PTTG1: variants seen among roughly 807,000 people sequenced by gnomAD.
The protein encoded by PTTG1 is PTTG1 regulator of sister chromatid separation, securin.
In PTTG1, 8 loss-of-function variants were observed where a neutral mutation model predicts 20.0. The ratio of observed to expected loss-of-function variants is 0.40; its 90% CI spans 0.23 to 0.72. PTTG1 has a LOEUF of 0.72. Ranked by LOEUF, PTTG1 falls within the 30% of genes least tolerant of loss-of-function variation. The pLI, the probability that PTTG1 is intolerant of heterozygous loss-of-function variation, is 0.38. For synonymous variants in PTTG1, 79 were observed against 87.2 expected (o/e 0.91, Z 0.52); for missense variants, 197 against 236.0 (o/e 0.83, Z 1.08).
intron 3 of PTTG1, among the ~76,000 whole-genome samples, chr5:160,423,881 A>G (rs1765762520): frequency 6.6e-6 from 1 of 150,678 alleles, no homozygotes; most frequent in South Asian, 2.1e-4. Flanking sequence ...ACACTTGTGG[A>G]AAAAATCACA....
Position 160,427,797 on chromosome 5 carries a change from GGA to G in PTTG1, c.461_462del (p.Glu154AlafsTer2). On this transcript the variant is annotated frameshift_variant, in exon 5 of 6. Coordinates refer to ENST00000352433, the MANE Select transcript of PTTG1 (RefSeq NM_004219.4). LOFTEE classifies it high-confidence loss of function. ...GAGTGCCTCTCATGATCCTTGACGAGGAGAGAGAGCTTGAAAAGCTGTTTCAG... is the reference window on the plus strand; with the variant it reads ...GAGTGCCTCTCATGATCCTTGACGAGGAGAGAGCTTGAAAAGCTGTTTCAG... ...SGVPLMILDE[E>X]RELEKLFQLG... 1.2e-6 allele frequency: 2 copies of G among 1,614,156 alleles called. No individual in the cohort carries two copies. The highest frequency in any genetic ancestry group is 1.3e-5 in the African/African-American group (1 of 75,028).
intron 4 of PTTG1, 103 bp from the exon 5 acceptor site, chr5:160,427,612 G>A (rs776550676): frequency 1.5e-5 from 19 of 1,295,242 alleles, no homozygotes; most frequent in Non-Finnish European, 1.9e-5. Flanking sequence ...CTTGAAAATA[G>A]TTTTGACCTC....
At position 160,426,957 on chromosome 5, in the gene PTTG1, G is replaced by A. The variant is rs192856000; in HGVS notation, c.371-758G>A. Among the ~76,000 whole-genome samples, 8 of 152,262 alleles carry A rather than the reference G, an allele frequency of 5.3e-5. No homozygotes were observed. The East Asian group carries it at 1.4e-3, about 26-fold the overall frequency. On this transcript the variant is annotated intron_variant, in intron 4 of 5. Transcript: ENST00000352433. Reference sequence around the variant, plus strand: ...CTTGGGAGACTGAGGCAGGAGAATCGCTTGAACCCAGGAGGCAGAGGTTGC... The same window carrying A: ...CTTGGGAGACTGAGGCAGGAGAATCACTTGAACCCAGGAGGCAGAGGTTGC...
chr5:160,422,579 A>G (rs1895320), intron 2 of PTTG1, 130 bp from the exon 3 acceptor site: 162,762 of 1,115,174 alleles, frequency 0.15, 12,524 homozygotes, highest in South Asian at 0.2. Context: ...TATTAGGCCT[A>G]TCATAGCCAT....
chr5:160,422,954 C>G (rs1385318100), intron 3 of PTTG1, 61 bp downstream of exon 3: 10 of 1,532,050 alleles, frequency 6.5e-6, no homozygotes, highest in Non-Finnish European at 2.7e-6. Context: ...CTTAAAATGA[C>G]TATTGGCATC....
rs371220976 is a variant in PTTG1 at position 160,422,371 on chromosome 5, C to T, written c.59C>T (p.Ala20Val). The change falls in exon 2 of 6, where the codon GCT becomes GTT. Residue 20 changes from alanine to valine, a missense_variant. Physicochemically the swap from Ala to Val is moderately conservative, Grantham distance 64 (BLOSUM62 0). Transcript: ENST00000352433. Reference protein sequence around the residue: ...ENGEPGTRVVAKDGLKLGSGP... With the variant: ...ENGEPGTRVVVKDGLKLGSGP... ...GGAGAACCAGGCACCCGTGTGGTTG[C>T]TAAGGATGGGCTGAAGCTGGGGTCT... 9.4e-5 allele frequency: 151 copies of T among 1,613,826 alleles called. No individual in the cohort carries two copies. Among genetic ancestry groups the T allele is most frequent in the Non-Finnish European group, 1.3e-4 (148 of 1,179,984 alleles).
At chr5:160,427,077 ATTT>A (rs1381205543) in intron 4 of PTTG1, among the ~76,000 whole-genome samples, 1 of 152,170 alleles carries the variant, frequency 6.6e-6, no homozygotes, top group Non-Finnish European at 1.5e-5. Flanking sequence ...TTTTGACAAA[ATTT>A]TAACGTTTTA....
rs750208202 is a variant in PTTG1 at position 160,422,322 on chromosome 5, C to G, written c.10C>G (p.Leu4Val). 2.5e-6 allele frequency: 4 copies of G among 1,613,760 alleles called. No individual in the cohort carries two copies. The highest frequency in any genetic ancestry group is 3.3e-5 in the Admixed American group (2 of 60,018). MAT[L>V]IYVDKENGEP... ...CTTAGAATAATCCAGAATGGCTACTCTGATCTATGTTGATAAGGAAAATGG... is the reference window on the plus strand; with the variant it reads ...CTTAGAATAATCCAGAATGGCTACTGTGATCTATGTTGATAAGGAAAATGG... Residue 4 changes from leucine to valine, a missense_variant, in exon 2 of 6, where the codon CTG (leucine) becomes GTG (valine). Leu to Val is a conservative substitution (Grantham distance 32, BLOSUM62 1). Transcript: ENST00000352433.
rs188532792 is a variant in PTTG1, at chr5:160,426,806, G to A, written c.371-909G>A. Reference sequence around the variant, plus strand: ...CGCCTGTAATCCCAGCACTTTGGGAGGCAAGGCGGGCGGATCACCTGAGGT... The same window carrying A: ...CGCCTGTAATCCCAGCACTTTGGGAAGCAAGGCGGGCGGATCACCTGAGGT... On this transcript the variant is annotated intron_variant, in intron 4 of 5. Transcript: ENST00000352433. Among the ~76,000 whole-genome samples the A allele has an allele frequency of 5.9e-5, 9 of 152,344 alleles. No individual in the cohort carries two copies. The East Asian group carries it at 1.5e-3, about 26-fold the overall frequency.
intron 4 of PTTG1, among the ~76,000 whole-genome samples, chr5:160,427,424 A>G (rs1312919256): frequency 6.6e-6 from 1 of 151,836 alleles, no homozygotes; most frequent in Non-Finnish European, 1.5e-5. Flanking sequence ...GTGAAGTGAC[A>G]GTAAGTGAAA....
intron 3 of PTTG1, 26 bp downstream of exon 3, chr5:160,422,919 T>C: frequency 6.2e-7 from 1 of 1,609,100 alleles, no homozygotes. Context: ...AAAGACACTG[T>C]TTAAACACTT....
chr5:160,426,876 G>A (rs1407084341), intron 4 of PTTG1, among the ~76,000 whole-genome samples: 1 of 152,006 alleles, frequency 6.6e-6, no homozygotes, highest in African/African-American at 2.4e-5. Flanking sequence ...AACCCCGTCT[G>A]TACTAAAAAT....
chr5:160,421,912 C>T (rs1012209713), intron 1 of PTTG1, 21 bp downstream of exon 1: 2 of 183,920 alleles, frequency 1.1e-5, no homozygotes, highest in Non-Finnish European at 2.3e-5. Flanking sequence ...GGGAGGGTCG[C>T]GGGTGGTTAG....
chr5:160,428,338 A>T (rs1765847475), intron 5 of PTTG1, among the ~76,000 whole-genome samples: 1 of 152,230 alleles, frequency 6.6e-6, no homozygotes, highest in Non-Finnish European at 1.5e-5. Flanking sequence ...AATTTGTCCT[A>T]ATAAGTTACA....
At chr5:160,426,388 C>T (rs1000033782) in intron 4 of PTTG1, among the ~76,000 whole-genome samples, 1 of 152,170 alleles carries the variant, frequency 6.6e-6, no homozygotes, top group African/African-American at 2.4e-5. Flanking sequence ...TGGCTTCACA[C>T]AGATACGTTT....
chr5:160,423,479 A>G (rs1272233177), intron 3 of PTTG1, among the ~76,000 whole-genome samples: 1 of 152,240 alleles, frequency 6.6e-6, no homozygotes, highest in Non-Finnish European at 1.5e-5. Context: ...TGTTTTGTTT[A>G]ATTTGCATTA....
intron 5 of PTTG1, 140 bp from the exon 6 acceptor site, chr5:160,428,462 A>C: frequency 1.4e-6 from 1 of 725,364 alleles, no homozygotes; most frequent in South Asian, 1.8e-5. Flanking sequence ...CATTCCAAAA[A>C]ATGTGTCAGG....
intron 5 of PTTG1, among the ~76,000 whole-genome samples, chr5:160,428,249 A>G (rs1412272128): frequency 2.0e-5 from 3 of 152,216 alleles, no homozygotes; most frequent in Non-Finnish European, 2.9e-5. Context: ...ATAACTTCTT[A>G]CTGCAGAAGG....
chr5:160,425,276 GA>G (rs1375596974), intron 4 of PTTG1, among the ~76,000 whole-genome samples: 15 of 152,188 alleles, frequency 9.9e-5, no homozygotes, highest in African/African-American at 3.6e-4. Flanking sequence ...GAAACTTTGA[GA>G]AGGATTGCTG....
Sources: gnomAD v4.1 joint callset for allele counts (sites outside exome capture counted in the v4.1 genomes callset) on GRCh38, gnomAD v4.1.1 for gene constraint, MANE v1.5 for transcripts, NCBI Gene and HGNC (gene_info 2026-07-23, HGNC 2026-07-21) for gene names.